The following FBXO10 variants were observed in gnomAD, a reference collection of about 807,000 sequenced individuals.
The protein encoded by FBXO10 is F-box only protein 10.
Under a neutral mutation model 80.7 loss-of-function variants are expected in FBXO10, and 39 were observed. The observed-to-expected ratio is 0.48, with a 90% CI of 0.37 to 0.63. FBXO10 has a LOEUF of 0.63. FBXO10 is among the 30% of genes least tolerant of loss of function. The pLI, the probability that FBXO10 is intolerant of heterozygous loss-of-function variation, is 0.00. For missense variants in FBXO10, 1,025 were observed against 1,269.0 expected, an observed-to-expected ratio of 0.81 and a Z score of 2.92; for synonymous variants, 449 against 489.6, an observed-to-expected ratio of 0.92 and a Z score of 1.09.
chr9:37,522,348 G>A, intron 7 of FBXO10: 1 of 1,000,456 alleles, frequency 1.0e-6, no homozygotes, highest in Non-Finnish European at 1.2e-6. Flanking sequence ...TAGAGAGGTG[G>A]GCCTGAGTCA....
rs1275552472 is a variant in FBXO10, at chr9:37,525,086, C to A, written c.1777+16G>T. On this transcript the variant is annotated intron_variant, in intron 6 of 10. Transcript: ENST00000432825. ...CTTGGCCTGGCTGCCAGGTGCCAGG[C>A]AGTTCCCATCCGTACCTGTGATGAG... 3.2e-6 allele frequency: 5 copies of A among 1,555,394 alleles called. No individual in the cohort carries two copies. The highest frequency in any genetic ancestry group is 4.4e-6 in the Non-Finnish European group (5 of 1,149,204).
At chr9:37,545,721 T>A (rs1563881424) in intron 1 of FBXO10, among the ~76,000 whole-genome samples, 1 of 152,212 alleles carries the variant, frequency 6.6e-6, no homozygotes, top group Non-Finnish European at 1.5e-5. Flanking sequence ...GAACTCTGAC[T>A]TCCACTTCAG....
At chr9:37,566,459 G>A (rs7866748) in intron 1 of FBXO10, among the ~76,000 whole-genome samples, 8,505 of 64,174 alleles carry the variant, frequency 0.13, 965 homozygotes, top group African/African-American at 0.41. Context: ...CTCTGTCTCG[G>A]AAAAAAAAAA....
chr9:37,534,432 G>C (rs1715299330), intron 3 of FBXO10, among the ~76,000 whole-genome samples: 1 of 152,102 alleles, frequency 6.6e-6, no homozygotes, highest in South Asian at 2.1e-4. Flanking sequence ...CTGCAGTCCG[G>C]CCTGGGTGAA....
In FBXO10 at chr9:37,512,536, G is replaced by C. The variant is rs772955080; in HGVS notation, c.*11C>G. On this transcript the variant is annotated 3_prime_UTR_variant, in exon 11 of 11. Transcript: ENST00000432825. ...CCCATCCAGGCTTGGCCCTGAAGCA[G>C]GTCTGTGTCCTCACAGGATGGTGCA... 16 of 1,610,082 alleles carry C rather than the reference G, an allele frequency of 9.9e-6. No individual in the cohort carries two copies. Among genetic ancestry groups the C allele is most frequent in the Non-Finnish European group, 1.4e-5 (16 of 1,177,018 alleles).
intron 3 of FBXO10, among the ~76,000 whole-genome samples, chr9:37,534,034 T>C (rs1315055199): frequency 6.6e-6 from 1 of 152,112 alleles, no homozygotes; most frequent in East Asian, 1.9e-4. Context: ...TAACATTTTA[T>C]ATAAGGGATT....
intron 1 of FBXO10, among the ~76,000 whole-genome samples, chr9:37,544,991 CAAAAAAAAA>C (rs59952580): frequency 1.4e-5 from 1 of 69,464 alleles, no homozygotes; most frequent in Admixed American, 1.9e-4. Context: ...GAGACTCTCT[CAAAAAAAAA>C]AAAAAAAAAA....
At chr9:37,571,507 G>A (rs1184151876) in intron 1 of FBXO10, among the ~76,000 whole-genome samples, 2 of 151,704 alleles carry the variant, frequency 1.3e-5, no homozygotes, top group Admixed American at 1.3e-4. Context: ...TGTCAGCTGA[G>A]AACAACTCAC....
chr9:37,525,181 G>A lies in FBXO10; in HGVS notation c.1707-9C>T. ...TGAAGATGTGGTTCCCGCTAAAGTGGAAGGAAAACAAAACAAAGAGGTGAG... is the reference window on the plus strand; with the variant it reads ...TGAAGATGTGGTTCCCGCTAAAGTGAAAGGAAAACAAAACAAAGAGGTGAG... On this transcript the variant is annotated splice_polypyrimidine_tract_variant and intron_variant, in intron 5 of 10. Transcript: ENST00000432825. 1 of 1,558,608 alleles carries A rather than the reference G, an allele frequency of 6.4e-7. No homozygotes were observed. Among genetic ancestry groups the A allele is most frequent in the South Asian group, 1.2e-5 (1 of 84,360 alleles).
intron 3 of FBXO10, among the ~76,000 whole-genome samples, chr9:37,533,481 G>A (rs1335673649): frequency 6.6e-6 from 1 of 152,144 alleles, no homozygotes; most frequent in Non-Finnish European, 1.5e-5. Context: ...GGGAGGCAGA[G>A]GTTGCAGTGA....
At chr9:37,520,375 G>A (rs1228933855) in intron 8 of FBXO10, among the ~76,000 whole-genome samples, 1 of 118,950 alleles carries the variant, frequency 8.4e-6, no homozygotes, top group East Asian at 2.4e-4. Flanking sequence ...CCTGAGCTCT[G>A]AGCACCTAGA....
chr9:37,554,831 T>G (rs1336642902), intron 1 of FBXO10, among the ~76,000 whole-genome samples: 1 of 152,216 alleles, frequency 6.6e-6, no homozygotes, highest in Non-Finnish European at 1.5e-5. Flanking sequence ...TTAAAAAAAA[T>G]TAATTCTCCT....
chr9:37,516,113 A>G, intron 9 of FBXO10, 28 bp from the exon 10 acceptor site: 1 of 1,599,708 alleles, frequency 6.3e-7, no homozygotes, highest in Non-Finnish European at 8.5e-7. Context: ...AGATTGTCAC[A>G]CCTCAGGGAT....
chr9:37,542,726 T>G (rs1177377311), intron 1 of FBXO10, among the ~76,000 whole-genome samples: 3 of 152,040 alleles, frequency 2.0e-5, no homozygotes, highest in Non-Finnish European at 4.4e-5. Flanking sequence ...TGAGCACATG[T>G]GTGTGTGTAT....
Position 37,537,737 on chromosome 9 carries a change from T to C in FBXO10, c.792A>G (p.Ala264=). The C allele has an allele frequency of 6.2e-7, 1 of 1,614,048 alleles. No individual in the cohort carries two copies. Among genetic ancestry groups the C allele is most frequent in the African/African-American group, 1.3e-5 (1 of 75,058 alleles). The change falls in exon 3 of 11, where the codon GCA becomes GCG. Residue 264 remains alanine (A), a synonymous_variant. Coordinates refer to ENST00000432825, the MANE Select transcript of FBXO10 (RefSeq NM_012166.3). ...NSVTVEGHPS[A]DKNWAYKYLL... ...GATACTTGTAGGCCCAGTTCTTATCTGCAGATGGGTGACCCTCAACAGTCA... is the reference window on the plus strand; with the variant it reads ...GATACTTGTAGGCCCAGTTCTTATCCGCAGATGGGTGACCCTCAACAGTCA...
At chr9:37,541,096 C>T in intron 2 of FBXO10, 88 bp downstream of exon 2, 2 of 1,221,522 alleles carry the variant, frequency 1.6e-6, no homozygotes, top group Non-Finnish European at 2.3e-6. Flanking sequence ...CTTTCAATTC[C>T]AACAAAAAAA....
chr9:37,540,337 G>A (rs1032388191), intron 2 of FBXO10, among the ~76,000 whole-genome samples: 1 of 151,970 alleles, frequency 6.6e-6, no homozygotes, highest in Admixed American at 6.6e-5. Context: ...ACAGGCACCT[G>A]CCACCATGCC....
chr9:37,530,423 G>T (rs1351108571), intron 4 of FBXO10, among the ~76,000 whole-genome samples: 2 of 152,032 alleles, frequency 1.3e-5, no homozygotes, highest in East Asian at 1.9e-4. Context: ...CTTTCACAAC[G>T]CCAGGACTAA....
Position 37,537,381 on chromosome 9 carries a change from G to A in FBXO10, c.1148C>T (p.Pro383Leu), listed in dbSNP as rs748413228. The A allele has an allele frequency of 3.7e-5, 59 of 1,596,598 alleles. No homozygotes were observed. The highest frequency in any genetic ancestry group is 4.9e-5 in the Non-Finnish European group (57 of 1,171,136). Residue 383 changes from proline to leucine, a missense_variant, in exon 3 of 11, where the codon CCT becomes CTT. This residue lies in a region of FBXO10 where 450 missense variants were observed against 499.4 expected (regional missense o/e 0.90). Transcript: ENST00000432825. ...GCCCAGAAATGAGCCCCCCAATACA[G>A]GGCGTGGGCCCTGCACTTGGTAGGA... Reference protein sequence around the residue: ...RLSYQVQGPRPVLGGSFLGPP... With the variant: ...RLSYQVQGPRLVLGGSFLGPP...
Sources: gnomAD v4.1 joint callset for allele counts (sites outside exome capture counted in the v4.1 genomes callset) on GRCh38, gnomAD v4.1.1 for gene constraint, gnomAD v4.1.1 regional missense constraint, MANE v1.5 for transcripts, NCBI Gene and HGNC (gene_info 2026-07-23, HGNC 2026-07-21) for gene names.